Variants in GIGYF2 observed in about 807,000 individuals in gnomAD.
GIGYF2 encodes the protein GRB10 interacting GYF protein 2.
In GIGYF2, 25 loss-of-function variants were observed where a neutral mutation model predicts 208.1. The observed-to-expected ratio is 0.12, with a 90% CI of 0.09 to 0.17. The LOEUF (loss-of-function observed/expected upper bound fraction) is 0.17, where lower values mean the gene tolerates loss of function less well. Ranked by LOEUF, GIGYF2 falls within the 10% of genes least tolerant of loss-of-function variation. The pLI is 1.00. For synonymous variants in GIGYF2, 534 were observed against 543.8 expected, an observed-to-expected ratio of 0.98 and a Z score of 0.25; for missense variants, 1,302 against 1,579.4, an observed-to-expected ratio of 0.82 and a Z score of 2.98.
rs137871616 is a variant in GIGYF2 at position 232,801,130 on chromosome 2, G to A, written c.1639+4909G>A. Among the ~76,000 whole-genome samples the A allele has an allele frequency of 1.2e-4, 19 of 152,332 alleles. No individual in the cohort carries two copies. In the East Asian group the frequency reaches 3.7e-3, roughly 29 times the overall value. On this transcript the variant is annotated intron_variant, in intron 14 of 28. Coordinates refer to ENST00000373563, the MANE Select transcript of GIGYF2 (RefSeq NM_001103146.3). Reference sequence around the variant, plus strand: ...GCTGGTTTTGAACTCCTGGCCGTAAGTGGTACTCCCTGTCTTTCCTCTGCC... The same window carrying A: ...GCTGGTTTTGAACTCCTGGCCGTAAATGGTACTCCCTGTCTTTCCTCTGCC...
At chr2:232,842,801 C>T (rs933852513) in intron 23 of GIGYF2, among the ~76,000 whole-genome samples, 9 of 152,138 alleles carry the variant, frequency 5.9e-5, no homozygotes, top group Non-Finnish European at 1.3e-4. Context: ...GTTGGCTTCC[C>T]CACAGGATAA....
At chr2:232,784,382 A>ATTTGTTTTTTTT (rs1360964345) in intron 8 of GIGYF2, among the ~76,000 whole-genome samples, 1 of 70,418 alleles carries the variant, frequency 1.4e-5, no homozygotes, top group Non-Finnish European at 2.6e-5. Flanking sequence ...ACACGAAATA[A>ATTTGTTTTTTTT]TTTCTTTTTT....
At chr2:232,765,708 C>G (rs1413926890) in intron 8 of GIGYF2, 1 of 273,512 alleles carries the variant, frequency 3.7e-6, no homozygotes, top group Non-Finnish European at 7.4e-6. Flanking sequence ...TTCACTCAGC[C>G]CAGTGCAATA....
At position 232,844,551 on chromosome 2, in the gene GIGYF2, A is replaced by G. The variant is rs781347024; in HGVS notation, c.3282A>G (p.Lys1094=). 2 of 1,613,416 alleles carry G rather than the reference A, an allele frequency of 1.2e-6. No homozygotes were observed. The highest frequency in any genetic ancestry group is 2.2e-5 in the South Asian group (2 of 91,072). The change falls in exon 25 of 29, where the codon AAA becomes AAG. Residue 1094 remains lysine (K), a synonymous_variant. Transcript: ENST00000373563. ...KEVGPRNSTN[K]NKNNASLSKS... ...TGGGACCTAGGAATTCAACAAATAA[A>G]AATAAAAACAACGCCAGTCTCAGGT... is the stretch of plus-strand genomic sequence containing the variant.
intron 3 of GIGYF2, among the ~76,000 whole-genome samples, chr2:232,745,530 C>T (rs1390786457): frequency 6.6e-6 from 1 of 152,152 alleles, no homozygotes; most frequent in Non-Finnish European, 1.5e-5. Flanking sequence ...CTGTTGGACA[C>T]TGTTGGAAGG....
At chr2:232,703,012 C>T (rs930471987) in intron 1 of GIGYF2, among the ~76,000 whole-genome samples, 2 of 152,270 alleles carry the variant, frequency 1.3e-5, no homozygotes, top group Admixed American at 6.5e-5. Flanking sequence ...GTCTTGAATT[C>T]GTGGGCTCAA....
chr2:232,836,351 T>TAAATATAA (rs1701628689), intron 22 of GIGYF2, among the ~76,000 whole-genome samples: 1 of 35,918 alleles, frequency 2.8e-5, no homozygotes, highest in African/African-American at 1.2e-4. Context: ...CTTATATATT[T>TAAATATAA]ATATATATAA....
At chr2:232,762,907 C>G (rs10208298) in intron 8 of GIGYF2, among the ~76,000 whole-genome samples, 3,533 of 152,016 alleles carry the variant, frequency 0.023, 146 homozygotes, top group African/African-American at 0.08. Flanking sequence ...GTCCCAGCTA[C>G]TTGGGAGGCC....
At chr2:232,789,293 C>T (rs1700003082) in intron 9 of GIGYF2, among the ~76,000 whole-genome samples, 1 of 152,024 alleles carries the variant, frequency 6.6e-6, no homozygotes, top group Admixed American at 6.6e-5. Flanking sequence ...GGGAGGCATC[C>T]AGTCTGGGAG....
intron 2 of GIGYF2, among the ~76,000 whole-genome samples, chr2:232,718,038 T>A (rs1696769172): frequency 6.6e-6 from 1 of 152,172 alleles, no homozygotes; most frequent in Admixed American, 6.5e-5. Context: ...CTAAACATGA[T>A]ATCTGGGTGA....
chr2:232,811,362 A>G lies in GIGYF2; in HGVS notation c.2006+11A>G. On this transcript the variant is annotated intron_variant, in intron 17 of 28. Transcript: ENST00000373563. The stretch of plus-strand genomic sequence containing the variant: ...GACCTTGAAGATGAGGTTGGTGGTC[A>G]TTCCATTATGTGTCATATGGGGTGC... The G allele has an allele frequency of 1.4e-6, 2 of 1,418,006 alleles. No homozygotes were observed. Among genetic ancestry groups the G allele is most frequent in the African/African-American group, 1.4e-5 (1 of 71,256 alleles). 87.8% of individuals were successfully genotyped at this position (1,418,006 alleles called of 1,614,324 possible). A position where few individuals can be genotyped will look rare whatever the true frequency, so the allele number is the denominator to read the frequency against.
Position 232,806,687 on chromosome 2 carries a change from A to G in GIGYF2, c.1806+30A>G, listed in dbSNP as rs536087440. On this transcript the variant is annotated intron_variant, in intron 15 of 28. Transcript: ENST00000373563. The surrounding 1 kb of genome is among the most constrained non-coding windows in gnomAD (Gnocchi z 4.0). ...GTACCTTTCACCTCACCTGGAATAC[A>G]TATTAGTCACGGAAACACTTGATTC... The G allele has an allele frequency of 7.4e-6, 11 of 1,489,918 alleles. No individual in the cohort carries two copies. The African/African-American group carries it at 9.6e-5, about 13-fold the overall frequency. 92.3% of individuals were successfully genotyped at this position (1,489,918 alleles called of 1,614,324 possible).
rs530044195 is a variant in GIGYF2, at chr2:232,782,766, G to GCCAGATA, written c.533-4383_533-4377dup. 871 of 152,278 alleles carry GCCAGATA rather than the reference G, an allele frequency of 5.7e-3. 3 individuals are homozygous for GCCAGATA. Among genetic ancestry groups the GCCAGATA allele is most frequent in the African/African-American group, 0.02 (830 of 41,562 alleles). 9.4% of individuals were successfully genotyped at this position (152,278 alleles called of 1,614,324 possible). A position where few individuals can be genotyped will look rare whatever the true frequency, so the allele number is the denominator to read the frequency against. Reference sequence around the variant, plus strand: ...ATCTTCGTAATGTTCAGCAAAAGAAGCCAGATATAAATGAATATTCCATTT... The same window carrying GCCAGATA: ...ATCTTCGTAATGTTCAGCAAAAGAAGCCAGATACCAGATATAAATGAATATTCCATTT... On this transcript the variant is annotated intron_variant, in intron 8 of 28. Transcript: ENST00000373563.
chr2:232,787,315 G>A lies in GIGYF2; in HGVS notation c.698G>A (p.Arg233Gln), dbSNP rs1426377346. ...TCAAGGAGGGATGGAGAGAGGTGGC[G>A]ACCTCACAGTCCTGGTAAGAATTCT... ...AGSRRDGERW[R>Q]PHSPDGPRSA... is the part of the protein sequence containing the mutation. Residue 233 changes from arginine (R) to glutamine (Q), a missense_variant, in exon 9 of 29, where the codon CGA becomes CAA. Arg to Gln is a conservative substitution (Grantham distance 43, BLOSUM62 1). This residue lies in a region of GIGYF2 where 189 missense variants were observed against 257.7 expected (regional missense o/e 0.73). Coordinates refer to ENST00000373563, the MANE Select transcript of GIGYF2 (RefSeq NM_001103146.3). 11 of 1,613,812 alleles carry A rather than the reference G, an allele frequency of 6.8e-6. No homozygotes were observed. Among genetic ancestry groups the A allele is most frequent in the South Asian group, 1.1e-5 (1 of 91,064 alleles).
At chr2:232,822,771 A>G (rs931713109) in intron 21 of GIGYF2, among the ~76,000 whole-genome samples, 10 of 152,186 alleles carry the variant, frequency 6.6e-5, no homozygotes, top group Non-Finnish European at 1.5e-4. Flanking sequence ...TATAGATCTT[A>G]TATTCTGACA....
intron 9 of GIGYF2, among the ~76,000 whole-genome samples, chr2:232,789,429 G>C (rs977184082): frequency 6.6e-6 from 1 of 152,160 alleles, no homozygotes; most frequent in East Asian, 1.9e-4. Flanking sequence ...GAATTCATTT[G>C]ATCATGAAGA....
chr2:232,709,025 G>C lies in GIGYF2; in HGVS notation c.-44+5536G>C, dbSNP rs566429910. Among the ~76,000 whole-genome samples, 32 of 152,088 alleles carry C rather than the reference G, an allele frequency of 2.1e-4. 1 individual carries two copies. The highest frequency in any genetic ancestry group is 5.3e-4 in the African/African-American group (22 of 41,470). ...TAATCCCAGCTACGCGGGAGGCTGT[G>C]GCATCAGAATCTCTTGAACCTGGGA... On this transcript the variant is annotated intron_variant, in intron 2 of 28. Coordinates refer to ENST00000373563, the MANE Select transcript of GIGYF2 (RefSeq NM_001103146.3).
At chr2:232,772,389 A>G (rs998706570) in intron 8 of GIGYF2, among the ~76,000 whole-genome samples, 1 of 152,212 alleles carries the variant, frequency 6.6e-6, no homozygotes, top group Non-Finnish European at 1.5e-5. Flanking sequence ...CCAGGAAGAC[A>G]TTTCTGGATA....
chr2:232,736,074 T>A (rs1043089888), intron 3 of GIGYF2: 1 of 970,584 alleles, frequency 1.0e-6, no homozygotes, highest in African/African-American at 1.8e-5. Context: ...CTTATTAACT[T>A]ATCCTATTAG....
Sources: allele counts gnomAD v4.1 joint callset (sites outside exome capture counted in the v4.1 genomes callset), GRCh38; gene constraint gnomAD v4.1.1; regional missense constraint gnomAD v4.1.1; non-coding constraint Gnocchi (gnomAD v3.1); transcripts MANE v1.5; gene names NCBI Gene and HGNC (gene_info 2026-07-23, HGNC 2026-07-21).